The following GBE1 variants were observed in gnomAD, a reference collection of about 807,000 sequenced individuals.
The protein encoded by GBE1 is 1,4-alpha-glucan-branching enzyme.
In GBE1, 70 loss-of-function variants were observed where a neutral mutation model predicts 88.8. The observed-to-expected ratio is 0.79, with a 90% CI of 0.65 to 0.96. GBE1 has a LOEUF of 0.96. Ranked by LOEUF, GBE1 falls within the 40% of genes least tolerant of loss-of-function variation. The pLI is 0.00. For synonymous variants in GBE1, 284 were observed against 300.1 expected (o/e 0.95, Z 0.56); for missense variants, 872 against 871.0 (o/e 1.00, Z -0.01).
At chr3:81,591,978 T>G (rs192611637) in intron 8 of GBE1, among the ~76,000 whole-genome samples, 1 of 152,288 alleles carries the variant, frequency 6.6e-6, no homozygotes, top group East Asian at 1.9e-4. Context: ...GTTTCTCATT[T>G]TTGATGCTGT....
rs547306464 is a variant in GBE1 at position 81,603,790 on chromosome 3, C to T, written c.993-9767G>A. On this transcript the variant is annotated intron_variant, in intron 7 of 15. Coordinates refer to ENST00000429644, the MANE Select transcript of GBE1 (RefSeq NM_000158.4). Reference sequence around the variant, plus strand: ...GGATTACAGGCATGAGCCACCATGCCCAGCCTATAAATTTAAATTTAAACT... The same window carrying T: ...GGATTACAGGCATGAGCCACCATGCTCAGCCTATAAATTTAAATTTAAACT... 4.1e-4 allele frequency among the ~76,000 whole-genome samples: 63 copies of T among 152,162 alleles called. 1 individual carries two copies. The South Asian group carries it at 1.0e-2, about 24-fold the overall frequency.
In GBE1 at chr3:81,676,965, ACT is replaced by A. The variant is rs1485330384; in HGVS notation, c.314-6014_314-6013del. ...TAAGGTCACTGTATCAGGCACACAA[ACT>A]CTATGTTTATCTCATACCCAACAAC... On this transcript the variant is annotated intron_variant, in intron 2 of 15. Coordinates refer to ENST00000429644, the MANE Select transcript of GBE1 (RefSeq NM_000158.4). Among the ~76,000 whole-genome samples, 15 of 152,140 alleles carry A rather than the reference ACT, an allele frequency of 9.9e-5. No homozygotes were observed. The South Asian group carries it at 2.3e-3, about 23-fold the overall frequency.
intron 2 of GBE1, among the ~76,000 whole-genome samples, chr3:81,704,078 G>T (rs1308935206): frequency 6.6e-6 from 1 of 151,858 alleles, no homozygotes; most frequent in African/African-American, 2.4e-5. Context: ...TTTCAAAGAT[G>T]TGGTACAAGA....
chr3:81,742,717 A>G (rs1360906773), intron 1 of GBE1, among the ~76,000 whole-genome samples: 1 of 152,160 alleles, frequency 6.6e-6, no homozygotes, highest in African/African-American at 2.4e-5. Flanking sequence ...TGAAATAGAA[A>G]GCATGTTAAA....
intron 3 of GBE1, among the ~76,000 whole-genome samples, chr3:81,661,267 A>G (rs1705027275): frequency 6.6e-6 from 1 of 152,182 alleles, no homozygotes; most frequent in African/African-American, 2.4e-5. Flanking sequence ...GTACACAGAT[A>G]CAAGAAAAGT....
chr3:81,614,948 G>T (rs933798644), intron 7 of GBE1, among the ~76,000 whole-genome samples: 2 of 151,934 alleles, frequency 1.3e-5, no homozygotes, highest in African/African-American at 4.8e-5. Context: ...AGAATCGTCT[G>T]AGCCCAGGGC....
At chr3:81,646,562 C>A in intron 5 of GBE1, 80 bp from the exon 6 acceptor site, 1 of 749,266 alleles carries the variant, frequency 1.3e-6, no homozygotes, top group Non-Finnish European at 2.3e-6. Context: ...ATCCTTATTC[C>A]AAATACATTA....
At position 81,552,387 on chromosome 3, in the gene GBE1, G is replaced by A. The variant is rs188785224; in HGVS notation, c.1619-15292C>T. The stretch of plus-strand genomic sequence containing the variant: ...ACAAAAATTAGCTGAGCGCGTGGCA[G>A]GCACCTGTAATTCCAGCTACTCAGG... On this transcript the variant is annotated intron_variant, in intron 12 of 15. Transcript: ENST00000429644. Among the ~76,000 whole-genome samples, 357 of 152,132 alleles carry A rather than the reference G, an allele frequency of 2.3e-3. 2 individuals are homozygous for A. Among genetic ancestry groups the A allele is most frequent in the African/African-American group, 8.2e-3 (341 of 41,532 alleles).
At chr3:81,561,513 G>A (rs1703416758) in intron 12 of GBE1, among the ~76,000 whole-genome samples, 1 of 151,962 alleles carries the variant, frequency 6.6e-6, no homozygotes, top group Admixed American at 6.6e-5. Flanking sequence ...TGAAGTGGAT[G>A]ATTTCAAACT....
chr3:81,662,513 T>C (rs1281160128), intron 3 of GBE1, among the ~76,000 whole-genome samples: 1 of 152,124 alleles, frequency 6.6e-6, no homozygotes, highest in Non-Finnish European at 1.5e-5. Context: ...GTTTCCACTA[T>C]ACTTGGGAAT....
intron 7 of GBE1, among the ~76,000 whole-genome samples, chr3:81,623,442 T>C (rs1704360158): frequency 6.6e-6 from 1 of 152,222 alleles, no homozygotes; most frequent in Non-Finnish European, 1.5e-5. Flanking sequence ...TCTAGCTGGT[T>C]GCCTTTTTCT....
chr3:81,575,349 C>A (rs544389862), intron 12 of GBE1, among the ~76,000 whole-genome samples: 2 of 152,122 alleles, frequency 1.3e-5, no homozygotes, highest in African/African-American at 4.8e-5. Flanking sequence ...AAATATTTCA[C>A]AGCTATAACC....
rs570692257 is a variant in GBE1 at position 81,665,393 on chromosome 3, G to A, written c.429+5445C>T. 1.2e-4 allele frequency among the ~76,000 whole-genome samples: 19 copies of A among 152,054 alleles called. No homozygotes were observed. The South Asian group carries it at 2.9e-3, about 23-fold the overall frequency. On this transcript the variant is annotated intron_variant, in intron 3 of 15. Transcript: ENST00000429644. Reference sequence around the variant, plus strand: ...CTAAAAATACAAAAAAAAATTAGCCGGGCGTGGTGGCGGGCGCCTGTAGTC... The same window carrying A: ...CTAAAAATACAAAAAAAAATTAGCCAGGCGTGGTGGCGGGCGCCTGTAGTC...
In GBE1 at chr3:81,591,205, A is replaced by G. The variant is rs765292565; in HGVS notation, c.1109-41T>C. 4.0e-6 allele frequency: 6 copies of G among 1,507,542 alleles called. No individual in the cohort carries two copies. In the Admixed American group the frequency reaches 5.9e-5, roughly 15 times the overall value. The allele number at this position is 1,507,542 out of a possible 1,614,324, so 93.4% of individuals were successfully genotyped here. The stretch of plus-strand genomic sequence containing the variant: ...TCAATACGGATATATTATGTTAACA[A>G]GCAAGTCTTAACTCTGCACAAATAC... On this transcript the variant is annotated intron_variant, in intron 8 of 15. Transcript: ENST00000429644.
At chr3:81,729,091 G>A (rs1706153374) in intron 1 of GBE1, among the ~76,000 whole-genome samples, 1 of 152,092 alleles carries the variant, frequency 6.6e-6, no homozygotes, top group African/African-American at 2.4e-5. Flanking sequence ...TGCCTGTTTG[G>A]AACTGATTAT....
intron 1 of GBE1, among the ~76,000 whole-genome samples, chr3:81,757,824 C>T (rs1052247612): frequency 8.5e-5 from 13 of 152,232 alleles, no homozygotes; most frequent in African/African-American, 3.1e-4. Flanking sequence ...AGAGTGGAGA[C>T]AGATGTGGGC....
chr3:81,498,507 G>A (rs1428385597), intron 15 of GBE1, among the ~76,000 whole-genome samples: 5 of 152,054 alleles, frequency 3.3e-5, no homozygotes, highest in Admixed American at 2.0e-4. Flanking sequence ...TTTAAACATA[G>A]TAGTTTAAAG....
intron 15 of GBE1, among the ~76,000 whole-genome samples, chr3:81,498,635 C>T (rs1702545748): frequency 6.6e-6 from 1 of 152,030 alleles, no homozygotes; most frequent in Non-Finnish European, 1.5e-5. Flanking sequence ...ATGAATTCAG[C>T]CTTCAATTTA....
At chr3:81,582,947 C>G (rs542289930) in intron 10 of GBE1, among the ~76,000 whole-genome samples, 1 of 152,064 alleles carries the variant, frequency 6.6e-6, no homozygotes, top group African/African-American at 2.4e-5. Flanking sequence ...GAACAAGCAT[C>G]AGACTAGGAG....
Sources: allele counts gnomAD v4.1 joint callset (sites outside exome capture counted in the v4.1 genomes callset), GRCh38; gene constraint gnomAD v4.1.1; transcripts MANE v1.5; gene names NCBI Gene and HGNC (gene_info 2026-07-23, HGNC 2026-07-21).